CENPK: variants seen among roughly 807,000 people sequenced by gnomAD.
The protein encoded by CENPK is centromere protein K, also known as SoxLZ/Sox6-binding protein Solt.
Under a neutral mutation model 40.9 loss-of-function variants are expected in CENPK, and 46 were observed. The ratio of observed to expected loss-of-function variants is 1.13; its 90% confidence interval spans 0.89 to 1.44. The LOEUF is 1.44. Among genes scored for constraint, CENPK ranks in the 40% most tolerant of loss-of-function variants. The pLI, the probability that CENPK is intolerant of heterozygous loss-of-function variation, is 0.00. For missense variants in CENPK, 288 were observed against 303.5 expected, an observed-to-expected ratio of 0.95 and a Z score of 0.38; for synonymous variants, 107 against 104.4, an observed-to-expected ratio of 1.02 and a Z score of -0.15.
At chr5:65,544,681 A>G (rs548036759) in intron 5 of CENPK, among the ~76,000 whole-genome samples, 6 of 152,368 alleles carry the variant, frequency 3.9e-5, no homozygotes, top group African/African-American at 1.4e-4. Context: ...TATACATACA[A>G]TGAAATACTA....
At chr5:65,541,280 T>C in intron 6 of CENPK, 1 of 432,450 alleles carries the variant, frequency 2.3e-6, no homozygotes, top group South Asian at 1.6e-5. Context: ...CGACAATCCA[T>C]TACTGGCAAC....
At chr5:65,506,349 C>CAA in the CENPK span, among the ~76,000 whole-genome samples, 289 of 132,734 alleles carry the variant, frequency 2.2e-3, 1 homozygote, top group East Asian at 0.014. Flanking sequence ...GAACTTATCT[C>CAA]AAAAAAAAAA....
At chr5:65,514,201 T>C (rs974598579), downstream of CENPK, among the ~76,000 whole-genome samples, 13 of 148,140 alleles carry the variant, frequency 8.8e-5, no homozygotes, top group African/African-American at 3.2e-4. Flanking sequence ...CCTAATTTTG[T>C]TATCAGGGTA....
the CENPK span, among the ~76,000 whole-genome samples, chr5:65,505,793 CT>C: frequency 6.6e-6 from 1 of 152,184 alleles, no homozygotes; most frequent in East Asian, 1.9e-4. Flanking sequence ...TCAGATATTA[CT>C]TATTTATATT....
At chr5:65,522,845 T>C (rs1744025963) in intron 9 of CENPK, among the ~76,000 whole-genome samples, 1 of 152,206 alleles carries the variant, frequency 6.6e-6, no homozygotes, top group Non-Finnish European at 1.5e-5. Flanking sequence ...ATGATCTAGG[T>C]GTGATTTGAC....
intron 9 of CENPK, among the ~76,000 whole-genome samples, chr5:65,528,243 C>T (rs567374897): frequency 5.9e-5 from 9 of 151,464 alleles, no homozygotes; most frequent in South Asian, 2.1e-4. Context: ...TCTGTCCCCC[C>T]GCCCCCCTGC....
Position 65,542,828 on chromosome 5 carries a change from C to A in CENPK, c.262G>T (p.Val88Phe), listed in dbSNP as rs548653305. ...TPETIPLTED[V>F]LITLGKEEFQ... ...TCTTCTTTTCCTAATGTTATGAGAA[C>A]GTCTTCAGTCAAGGGAATTGCTACA... The change falls in exon 6 of 11, where the codon GTT becomes TTT. Residue 88 changes from valine (V) to phenylalanine (F), a missense_variant. By Grantham distance (50) the Val-to-Phe change is conservative. Transcript: ENST00000396679. 2 of 1,610,012 alleles carry A rather than the reference C, an allele frequency of 1.2e-6. No individual in the cohort carries two copies. Among genetic ancestry groups the A allele is most frequent in the African/African-American group, 1.3e-5 (1 of 74,772 alleles).
At chr5:65,505,805 C>A in the CENPK span, among the ~76,000 whole-genome samples, 2 of 152,150 alleles carry the variant, frequency 1.3e-5, no homozygotes, top group South Asian at 2.1e-4. Context: ...TATTTATATT[C>A]CTTCATTCTT....
intron 5 of CENPK, among the ~76,000 whole-genome samples, chr5:65,549,304 T>A (rs1443377161): frequency 5.3e-5 from 8 of 152,188 alleles, no homozygotes; most frequent in African/African-American, 1.7e-4. Flanking sequence ...GCTTTACTGT[T>A]CCATTTACAA....
Position 65,528,937 on chromosome 5 carries a change from T to C in CENPK, c.452A>G (p.Glu151Gly), listed in dbSNP as rs540839130. The change falls in exon 8 of 11, where the codon GAA becomes GGA. Residue 151 changes from glutamate to glycine, a missense_variant. Coordinates refer to ENST00000396679, the MANE Select transcript of CENPK (RefSeq NM_022145.5). ...VLHSELKNKVETFSESRIFNE... is the reference protein window; with the variant it reads ...VLHSELKNKVGTFSESRIFNE... The stretch of plus-strand genomic sequence containing the variant: ...TTAATACCTTGATTCAGAAAATGTT[T>C]CAACCTTATTTTTCAATTCACTGTG... 2 of 1,572,404 alleles carry C rather than the reference T, an allele frequency of 1.3e-6. No individual in the cohort carries two copies. The highest frequency in any genetic ancestry group is 1.4e-5 in the African/African-American group (1 of 73,648).
intron 6 of CENPK, among the ~76,000 whole-genome samples, chr5:65,530,772 T>C (rs1745650330): frequency 6.6e-6 from 1 of 151,694 alleles, no homozygotes; most frequent in South Asian, 2.1e-4. Flanking sequence ...TAGCCAGGCA[T>C]GGTGCCACAT....
the CENPK span, among the ~76,000 whole-genome samples, chr5:65,504,542 T>C: frequency 2.2e-4 from 33 of 152,000 alleles, no homozygotes; most frequent in Non-Finnish European, 4.6e-4. Context: ...TTTGCAATAC[T>C]AATGTCTGAA....
At chr5:65,555,285 T>C (rs1750790808) in intron 2 of CENPK, 1 of 164,184 alleles carries the variant, frequency 6.1e-6, no homozygotes, top group Non-Finnish European at 1.3e-5. Context: ...GATAAAGAAA[T>C]GAGGTCAAGG....
intron 9 of CENPK, among the ~76,000 whole-genome samples, chr5:65,525,977 TAATA>T (rs1744639187): frequency 6.6e-6 from 1 of 152,132 alleles, no homozygotes; most frequent in Non-Finnish European, 1.5e-5. Context: ...CCAAGTAGAC[TAATA>T]AATACAGTAT....
At chr5:65,546,979 T>C (rs1196769320) in intron 5 of CENPK, among the ~76,000 whole-genome samples, 1 of 152,216 alleles carries the variant, frequency 6.6e-6, no homozygotes, top group East Asian at 1.9e-4. Context: ...GTATAGTATA[T>C]AGTGTCCTCT....
the CENPK span, among the ~76,000 whole-genome samples, chr5:65,503,498 C>T: frequency 6.2e-3 from 941 of 152,232 alleles, 8 homozygotes; most frequent in African/African-American, 0.02. Flanking sequence ...TGGATAGTTA[C>T]CATACTTTCT....
chr5:65,539,901 TG>T (rs1429572743), intron 6 of CENPK, among the ~76,000 whole-genome samples: 1 of 152,202 alleles, frequency 6.6e-6, no homozygotes, highest in Non-Finnish European at 1.5e-5. Context: ...AAGCTGCACC[TG>T]GGGCAACTGA....
At chr5:65,538,236 C>A (rs1024937916) in intron 6 of CENPK, among the ~76,000 whole-genome samples, 1 of 152,132 alleles carries the variant, frequency 6.6e-6, no homozygotes, top group African/African-American at 2.4e-5. Flanking sequence ...CTCCTTGAGG[C>A]TCATCTTTGT....
At chr5:65,536,925 C>T (rs1046899459) in intron 6 of CENPK, among the ~76,000 whole-genome samples, 2 of 152,138 alleles carry the variant, frequency 1.3e-5, no homozygotes, top group African/African-American at 4.8e-5. Flanking sequence ...GGGGCTCCAC[C>T]CTCATGAAGT....
Sources: gnomAD v4.1 joint callset for allele counts (sites outside exome capture counted in the v4.1 genomes callset) on GRCh38, gnomAD v4.1.1 for gene constraint, MANE v1.5 for transcripts, NCBI Gene and HGNC (gene_info 2026-07-23, HGNC 2026-07-21) for gene names.